CYB561: variants seen among roughly 807,000 people sequenced by gnomAD.
The protein encoded by CYB561 is transmembrane ascorbate-dependent reductase CYB561.
A neutral mutation model predicts 25.3 loss-of-function variants in CYB561; 11 were observed. The observed-to-expected ratio is 0.44, with a 90% CI of 0.27 to 0.72. The LOEUF is 0.72. Among genes scored for constraint, CYB561 ranks in the 30% least tolerant of loss-of-function variants. The pLI is 0.18. For missense variants in CYB561, 295 were observed against 334.9 expected (o/e 0.88, Z 0.93); for synonymous variants, 165 against 158.8 (o/e 1.04, Z -0.29).
intron 4 of CYB561, 81 bp downstream of exon 4, chr17:63,435,607 A>G (rs2049288296): frequency 9.1e-7 from 1 of 1,100,736 alleles, no homozygotes; most frequent in African/African-American, 1.5e-5. Context: ...CCCTTCCATG[A>G]GGTACATTTC....
At position 63,437,488 on chromosome 17, in the gene CYB561, G is replaced by C; in HGVS notation, c.60C>G (p.Ser20=). ...PTALPYYVAF[S]QLLGLTLVAM... ...CCACCAAGGTCAGGCCCAGCAGCTG[G>C]GAGAAGGCCACGTAGTAAGGCAGTG... The change falls in exon 2 of 6, where the codon TCC becomes TCG. Residue 20 remains serine, a synonymous_variant. Transcript: ENST00000360793. The C allele has an allele frequency of 1.2e-6, 2 of 1,613,762 alleles. No homozygotes were observed. Among genetic ancestry groups the C allele is most frequent in the Non-Finnish European group, 1.7e-6 (2 of 1,179,942 alleles).
chr17:63,433,053 C>CTT lies in CYB561; in HGVS notation c.*1347_*1348dup, dbSNP rs558731885. 1.3e-4 allele frequency: 29 copies of CTT among 219,632 alleles called. No individual in the cohort carries two copies. Among genetic ancestry groups the CTT allele is most frequent in the Non-Finnish European group, 2.1e-4 (24 of 113,522 alleles). The allele number at this position is 219,632 out of a possible 1,614,324, so 13.6% of individuals were successfully genotyped here. On this transcript the variant is annotated 3_prime_UTR_variant, in exon 6 of 6. Coordinates refer to ENST00000360793, the MANE Select transcript of CYB561 (RefSeq NM_001915.4). The stretch of plus-strand genomic sequence containing the variant: ...ATCCAAGAAGCACATGATCGGTGTT[C>CTT]TTTTTTTTTTCTTTTTTGAGCCTGT...
In CYB561 at chr17:63,433,396, T is replaced by A. The variant is rs977549037; in HGVS notation, c.*1006A>T. The A allele has an allele frequency of 7.5e-6, 3 of 398,632 alleles. No homozygotes were observed. Among genetic ancestry groups the A allele is most frequent in the Non-Finnish European group, 1.3e-5 (3 of 226,176 alleles). 24.7% of individuals were successfully genotyped at this position (398,632 alleles called of 1,614,324 possible). ...CACCACGGGGGATGACTGTAGTTGT[T>A]CTGACTCCATCCTGACTTCCTGGAA... is the stretch of plus-strand genomic sequence containing the variant. On this transcript the variant is annotated 3_prime_UTR_variant, in exon 6 of 6. Coordinates refer to ENST00000360793, the MANE Select transcript of CYB561 (RefSeq NM_001915.4).
rs2049314064 is a variant in CYB561, at chr17:63,437,337, G to A, written c.202+9C>T. 1.9e-6 allele frequency: 3 copies of A among 1,608,358 alleles called. No individual in the cohort carries two copies. The highest frequency in any genetic ancestry group is 1.3e-5 in the African/African-American group (1 of 74,932). On this transcript the variant is annotated intron_variant, in intron 2 of 5. Coordinates refer to ENST00000360793, the MANE Select transcript of CYB561 (RefSeq NM_001915.4). Reference sequence around the variant, plus strand: ...GCCCGGGAAAAGAGGAGCGGCCCATGGGACTCACCATTTCCCTGCAGGAAG... The same window carrying A: ...GCCCGGGAAAAGAGGAGCGGCCCATAGGACTCACCATTTCCCTGCAGGAAG...
chr17:63,435,322 C>T (rs1387162423), intron 4 of CYB561, 79 bp from the exon 5 acceptor site: 13 of 1,493,658 alleles, frequency 8.7e-6, no homozygotes, highest in African/African-American at 8.3e-5. Flanking sequence ...CCCACACCCA[C>T]GTGCCCACGT....
In CYB561 at chr17:63,436,130, G is replaced by A; in HGVS notation, c.225C>T (p.Phe75=). 1.2e-6 allele frequency: 2 copies of A among 1,614,160 alleles called. No homozygotes were observed. Among genetic ancestry groups the A allele is most frequent in the Non-Finnish European group, 8.5e-7 (1 of 1,179,982 alleles). Residue 75 remains phenylalanine, a synonymous_variant, in exon 3 of 6, where the codon TTC becomes TTT. Transcript: ENST00000360793. The surrounding 1 kb of genome is among the most constrained non-coding windows in gnomAD (Gnocchi z 4.8). ...TGGTGGTGCGTTTAGCTTCGTTCCT[G>A]AAGACACGGTAAACCAGCAGGGCTG... ...QGNALLVYRV[F]RNEAKRTTKV...
intron 1 of CYB561, among the ~76,000 whole-genome samples, chr17:63,442,588 T>G (rs2049385372): frequency 6.6e-6 from 1 of 151,986 alleles, no homozygotes; most frequent in South Asian, 2.1e-4. Flanking sequence ...AAGCTGCCAC[T>G]CCCCACCCCC....
chr17:63,437,760 C>T, intron 1 of CYB561, 200 bp from the exon 2 acceptor site: 1 of 450,802 alleles, frequency 2.2e-6, no homozygotes, highest in Non-Finnish European at 4.0e-6. Flanking sequence ...GCACAGCCGC[C>T]CCTGCTAGAT....
rs1016530474 is a variant in CYB561 at position 63,434,300 on chromosome 17, G to A, written c.*102C>T. On this transcript the variant is annotated 3_prime_UTR_variant, in exon 6 of 6. Transcript: ENST00000360793. The stretch of plus-strand genomic sequence containing the variant: ...CAGATGCAGCTGCACCCACGCGCCC[G>A]CCTGCTGCCAGAGCCACTCTCCGGA... 1.8e-5 allele frequency: 20 copies of A among 1,111,356 alleles called. No homozygotes were observed. Among genetic ancestry groups the A allele is most frequent in the African/African-American group, 7.9e-5 (5 of 63,396 alleles). The allele number at this position is 1,111,356 out of a possible 1,614,324, so 68.8% of individuals were successfully genotyped here.
intron 1 of CYB561, chr17:63,437,968 C>CG (rs1351259725): frequency 4.3e-6 from 3 of 691,070 alleles, no homozygotes; most frequent in South Asian, 1.8e-5. Flanking sequence ...CCTCCCACGG[C>CG]GGCCCCGCCA....
Position 63,434,147 on chromosome 17 carries a change from A to G in CYB561, c.*255T>C, listed in dbSNP as rs910398691. 4.3e-6 allele frequency: 2 copies of G among 462,582 alleles called. No homozygotes were observed. Among genetic ancestry groups the G allele is most frequent in the Non-Finnish European group, 7.7e-6 (2 of 258,254 alleles). 28.7% of individuals were successfully genotyped at this position (462,582 alleles called of 1,614,324 possible). Reference sequence around the variant, plus strand: ...ACCAGGACCGAACACCCGAAGTCCTACCCAAAGCCTTCTGCACTGAAGGGG... The same window carrying G: ...ACCAGGACCGAACACCCGAAGTCCTGCCCAAAGCCTTCTGCACTGAAGGGG... On this transcript the variant is annotated 3_prime_UTR_variant, in exon 6 of 6. Transcript: ENST00000360793.
intron 1 of CYB561, among the ~76,000 whole-genome samples, chr17:63,441,726 A>G (rs2049377276): frequency 6.6e-6 from 1 of 152,190 alleles, no homozygotes; most frequent in Non-Finnish European, 1.5e-5. Flanking sequence ...CCCAGGAACT[A>G]GGGTGGTGCT....
At chr17:63,440,864 G>A (rs1378755282) in intron 1 of CYB561, 1 of 152,290 alleles carries the variant, frequency 6.6e-6, no homozygotes, top group Non-Finnish European at 1.5e-5. Context: ...CTTGTTGTCT[G>A]TCCTCCTCTC....
intron 1 of CYB561, chr17:63,437,974 C>CCCCCCCCCCCCCCCAG: frequency 4.4e-5 from 29 of 652,532 alleles, no homozygotes; most frequent in South Asian, 9.1e-5. Context: ...ACGGCGGCCC[C>CCCCCCCCCCCCCCCAG]GCCACCCTCC....
At chr17:63,437,906 C>T (rs2049328879) in intron 1 of CYB561, 1 of 484,344 alleles carries the variant, frequency 2.1e-6, no homozygotes, top group Non-Finnish European at 3.5e-6. Flanking sequence ...CGCATGTCCC[C>T]CCCACGGATG....
At chr17:63,438,109 G>T in intron 1 of CYB561, 1 of 1,534,696 alleles carries the variant, frequency 6.5e-7, no homozygotes. Flanking sequence ...CTCCCCACGG[G>T]GACAGGCGTG....
chr17:63,437,618 C>A, intron 1 of CYB561, 58 bp from the exon 2 acceptor site: 2 of 1,432,688 alleles, frequency 1.4e-6, no homozygotes, highest in African/African-American at 1.4e-5. Context: ...ATGCGCACAG[C>A]CCCCGCGGAT....
Position 63,433,294 on chromosome 17 carries a change from C to G in CYB561, c.*1108G>C. On this transcript the variant is annotated 3_prime_UTR_variant, in exon 6 of 6. Coordinates refer to ENST00000360793, the MANE Select transcript of CYB561 (RefSeq NM_001915.4). ...CCTCGCACACGATCAGTGTTCTAAT[C>G]ACACTATTTCCAGGCCGAAGCCAAA... The G allele has an allele frequency of 2.5e-6, 1 of 397,600 alleles. No individual in the cohort carries two copies. Among genetic ancestry groups the G allele is most frequent in the Non-Finnish European group, 4.4e-6 (1 of 226,036 alleles). The allele number at this position is 397,600 out of a possible 1,614,324, so 24.6% of individuals were successfully genotyped here. A position where few individuals can be genotyped will look rare whatever the true frequency, so the allele number is the denominator to read the frequency against.
chr17:63,446,346 G>A (rs1030587956), upstream of CYB561: 2 of 151,930 alleles, frequency 1.3e-5, no homozygotes, highest in Admixed American at 1.3e-4. Context: ...GCAACCGGGC[G>A]GCGGGCTGGG....
Sources: gnomAD v4.1 joint callset for allele counts (sites outside exome capture counted in the v4.1 genomes callset) on GRCh38, gnomAD v4.1.1 for gene constraint, Gnocchi (gnomAD v3.1) non-coding constraint, MANE v1.5 for transcripts, NCBI Gene and HGNC (gene_info 2026-07-23, HGNC 2026-07-21) for gene names.